The following CASQ2 variants were observed in gnomAD, a reference collection of about 807,000 sequenced individuals.
The protein encoded by CASQ2 is calsequestrin-2.
A neutral mutation model predicts 46.5 loss-of-function variants in CASQ2; 49 were observed. The observed-to-expected ratio is 1.05, with a 90% confidence interval of 0.84 to 1.34. CASQ2 has a LOEUF of 1.34. Ranked by LOEUF, CASQ2 falls within the 40% of genes most tolerant of loss-of-function variation. CASQ2 has a pLI of 0.00. For synonymous variants in CASQ2, 174 were observed against 168.5 expected, an observed-to-expected ratio of 1.03 and a Z score of -0.25; for missense variants, 486 against 481.3, an observed-to-expected ratio of 1.01 and a Z score of -0.09.
intron 1 of CASQ2, among the ~76,000 whole-genome samples, chr1:115,763,164 T>C (rs1396332024): frequency 6.6e-6 from 1 of 152,048 alleles, no homozygotes; most frequent in African/African-American, 2.4e-5. Flanking sequence ...GAGGGAAAAA[T>C]CCAACCCATG....
chr1:115,733,435 A>G (rs1175592211), intron 4 of CASQ2, among the ~76,000 whole-genome samples: 1 of 152,184 alleles, frequency 6.6e-6, no homozygotes, highest in African/African-American at 2.4e-5. Flanking sequence ...GACATCACAG[A>G]AGTATTTTAA....
intron 6 of CASQ2, among the ~76,000 whole-genome samples, chr1:115,725,764 C>T (rs1647562317): frequency 6.6e-6 from 1 of 152,090 alleles, no homozygotes; most frequent in African/African-American, 2.4e-5. Context: ...AGGCACTCAG[C>T]CTTTTCATAG....
At chr1:115,722,774 G>A (rs549800247) in intron 7 of CASQ2, among the ~76,000 whole-genome samples, 12 of 152,218 alleles carry the variant, frequency 7.9e-5, no homozygotes, top group Non-Finnish European at 1.8e-4. Flanking sequence ...CAGGCCGGGC[G>A]TGGTAGTTCA....
At chr1:115,702,332 T>C (rs891031939) in intron 10 of CASQ2, among the ~76,000 whole-genome samples, 1 of 152,084 alleles carries the variant, frequency 6.6e-6, no homozygotes, top group Non-Finnish European at 1.5e-5. Context: ...CCCACTTGAG[T>C]TTTATGATGG....
intron 10 of CASQ2, 149 bp from the exon 11 acceptor site, chr1:115,701,575 G>C: frequency 1.4e-6 from 1 of 698,264 alleles, no homozygotes; most frequent in Non-Finnish European, 2.6e-6. Context: ...AATGCCAAAC[G>C]GCAAAACGGT....
chr1:115,764,814 T>G (rs1205225597), intron 1 of CASQ2, among the ~76,000 whole-genome samples: 1 of 152,192 alleles, frequency 6.6e-6, no homozygotes, highest in African/African-American at 2.4e-5. Context: ...TGTATAGACC[T>G]TATCTTCTCC....
Position 115,740,714 on chromosome 1 carries a change from G to C in CASQ2, c.420+14C>G. The stretch of plus-strand genomic sequence containing the variant: ...AGGCAGCTCCATGCAGGGTCACTGT[G>C]TATAAATACTTACATCCAAGAGGAA... On this transcript the variant is annotated intron_variant, in intron 3 of 10. Coordinates refer to ENST00000261448, the MANE Select transcript of CASQ2 (RefSeq NM_001232.4). 1 of 1,519,232 alleles carries C rather than the reference G, an allele frequency of 6.6e-7. No individual in the cohort carries two copies. Among genetic ancestry groups the C allele is most frequent in the Non-Finnish European group, 9.1e-7 (1 of 1,093,236 alleles). The allele number at this position is 1,519,232 out of a possible 1,614,324, so 94.1% of individuals were successfully genotyped here.
chr1:115,727,249 T>C (rs1647627198), intron 5 of CASQ2, 127 bp from the exon 6 acceptor site: 1 of 741,174 alleles, frequency 1.3e-6, no homozygotes, highest in Non-Finnish European at 2.3e-6. Flanking sequence ...AGTTTTAACT[T>C]CAATGTTGAA....
intron 1 of CASQ2, among the ~76,000 whole-genome samples, chr1:115,750,374 G>A (rs577194096): frequency 4.6e-5 from 7 of 152,150 alleles, no homozygotes; most frequent in Non-Finnish European, 1.0e-4. Flanking sequence ...GTCTCTTATC[G>A]GTTGGTTATA....
intron 8 of CASQ2, among the ~76,000 whole-genome samples, chr1:115,708,117 A>T (rs1460043194): frequency 6.6e-6 from 1 of 152,252 alleles, no homozygotes; most frequent in African/African-American, 2.4e-5. Context: ...AAGAGATGAA[A>T]AGAAAAACTG....
At chr1:115,732,783 G>T in intron 5 of CASQ2, 118 bp downstream of exon 5, 1 of 765,080 alleles carries the variant, frequency 1.3e-6, no homozygotes. Context: ...CCCTTCTAGA[G>T]AAAGAGGCAA....
chr1:115,706,136 CTGTGTGTGTGTGCGTGCGTGTG>C (rs1654351662), intron 8 of CASQ2, among the ~76,000 whole-genome samples: 1 of 151,638 alleles, frequency 6.6e-6, no homozygotes, highest in African/African-American at 2.4e-5. Flanking sequence ...TAAACTGTGC[CTGTGTGTGTGTGCGTGCGTGTG>C]TGTATGTGTG....
intron 8 of CASQ2, among the ~76,000 whole-genome samples, chr1:115,717,021 C>T (rs1015182835): frequency 6.6e-6 from 1 of 152,136 alleles, no homozygotes; most frequent in African/African-American, 2.4e-5. Flanking sequence ...TATGAGTTCT[C>T]ACAAGATCTG....
intron 5 of CASQ2, among the ~76,000 whole-genome samples, chr1:115,729,153 G>A (rs556784058): frequency 2.0e-4 from 30 of 147,738 alleles, no homozygotes; most frequent in Non-Finnish European, 4.0e-4. Flanking sequence ...AGGTTCGAGC[G>A]ATTCTCCTGC....
intron 1 of CASQ2, among the ~76,000 whole-genome samples, chr1:115,748,310 G>A (rs1648455565): frequency 1.3e-5 from 2 of 152,000 alleles, no homozygotes; most frequent in South Asian, 2.1e-4. Flanking sequence ...ATATCTTAAG[G>A]TTTTTCTTTG....
intron 1 of CASQ2, among the ~76,000 whole-genome samples, chr1:115,746,960 G>A (rs1298349412): frequency 6.6e-6 from 1 of 151,864 alleles, no homozygotes. Context: ...CTTCTTAATA[G>A]GATCTTTCAC....
intron 4 of CASQ2, among the ~76,000 whole-genome samples, chr1:115,735,195 A>T (rs1223575721): frequency 6.6e-6 from 1 of 152,224 alleles, no homozygotes. Flanking sequence ...TCTGCATTCC[A>T]CAAAAAGGTT....
At chr1:115,744,198 C>T (rs1204705812) in intron 2 of CASQ2, among the ~76,000 whole-genome samples, 1 of 151,680 alleles carries the variant, frequency 6.6e-6, no homozygotes, top group Non-Finnish European at 1.5e-5. Flanking sequence ...GAACTACCTC[C>T]ATTCTCTCTC....
At position 115,706,021 on chromosome 1, in the gene CASQ2, A is replaced by ATAGCAT. The variant is rs1436373184; in HGVS notation, c.839-730_839-729insATGCTA. On this transcript the variant is annotated intron_variant, in intron 8 of 10. Transcript: ENST00000261448. ...TTGCCATAAACAAAAATTTTAGGAG[A>ATAGCAT]ACGTTTAGTAAGAGATAGCATACTC... Among the ~76,000 whole-genome samples, 15 of 152,262 alleles carry ATAGCAT rather than the reference A, an allele frequency of 9.9e-5. No homozygotes were observed. The East Asian group carries it at 2.7e-3, about 27-fold the overall frequency.
Sources: allele counts gnomAD v4.1 joint callset (sites outside exome capture counted in the v4.1 genomes callset), GRCh38; gene constraint gnomAD v4.1.1; transcripts MANE v1.5; gene names NCBI Gene and HGNC (gene_info 2026-07-23, HGNC 2026-07-21).